COL6A6: variants seen among roughly 807,000 people sequenced by gnomAD.
COL6A6 encodes the protein collagen type VI alpha 6 chain, also known as collagen alpha-6(VI) chain.
In COL6A6, 183 loss-of-function variants were observed where a neutral mutation model predicts 208.6. That is an observed-to-expected ratio of 0.88 (90% CI 0.78 to 0.99). The LOEUF (loss-of-function observed/expected upper bound fraction) is 0.99, where lower values mean the gene tolerates loss of function less well. COL6A6 is among the 50% of genes least tolerant of loss of function. The pLI, the probability that COL6A6 is intolerant of heterozygous loss-of-function variation, is 0.00. For synonymous variants in COL6A6, 973 were observed against 1,011.8 expected (o/e 0.96, Z 0.73); for missense variants, 2,816 against 2,815.2 (o/e 1.00, Z -0.01).
At chr3:130,635,408 G>A (rs2065082052) in intron 27 of COL6A6, among the ~76,000 whole-genome samples, 1 of 152,120 alleles carries the variant, frequency 6.6e-6, no homozygotes, top group Non-Finnish European at 1.5e-5. Flanking sequence ...ACTGAACTCA[G>A]TAAATGCCAG....
chr3:130,550,314 G>T (rs972129278), intron 1 of COL6A6, among the ~76,000 whole-genome samples: 11 of 152,248 alleles, frequency 7.2e-5, no homozygotes, highest in African/African-American at 2.6e-4. Flanking sequence ...TTGCCTGGTT[G>T]TTCTGGCCAG....
rs763117396 is a variant in COL6A6, at chr3:130,563,567, A to G, written c.564A>G (p.Thr188=). 1.4e-4 allele frequency: 232 copies of G among 1,613,936 alleles called. No individual in the cohort carries two copies. The highest frequency in any genetic ancestry group is 5.3e-5 in the Non-Finnish European group (63 of 1,179,908). Residue 188 remains threonine, a synonymous_variant, in exon 3 of 37, where the codon ACA becomes ACG. Transcript: ENST00000358511. ...CTCAGTTTCATTTCAACCTTCGGAC[A>G]GTCAGAGACCTCAGCATGTTTTCCC... is the stretch of plus-strand genomic sequence containing the variant. The part of the protein sequence containing the change: ...ATSQFHFNLR[T]VRDLSMFSQN...
At chr3:130,653,618 A>T (rs1400928718) in intron 33 of COL6A6, among the ~76,000 whole-genome samples, 1 of 152,200 alleles carries the variant, frequency 6.6e-6, no homozygotes, top group Non-Finnish European at 1.5e-5. Flanking sequence ...TGCTTCTTTG[A>T]ATCCACAGGA....
At chr3:130,626,600 T>A in intron 25 of COL6A6, 53 bp downstream of exon 25, 1 of 1,231,152 alleles carries the variant, frequency 8.1e-7, no homozygotes, top group Non-Finnish European at 1.2e-6. Context: ...TTTAGTTCAG[T>A]AGACATCTGG....
At chr3:130,644,848 C>A in intron 31 of COL6A6, 143 bp from the exon 32 acceptor site, 1 of 744,620 alleles carries the variant, frequency 1.3e-6, no homozygotes, top group South Asian at 1.6e-5. Context: ...TAGACTCTGT[C>A]TGCATTTTCT....
intron 1 of COL6A6, among the ~76,000 whole-genome samples, chr3:130,529,211 T>C (rs1402240243): frequency 6.8e-6 from 1 of 146,902 alleles, no homozygotes; most frequent in Non-Finnish European, 1.5e-5. Flanking sequence ...TTCTGAGAGA[T>C]CATCAGTTGA....
intron 1 of COL6A6, among the ~76,000 whole-genome samples, chr3:130,534,317 G>A (rs988144508): frequency 1.3e-5 from 2 of 152,120 alleles, no homozygotes; most frequent in Non-Finnish European, 2.9e-5. Flanking sequence ...TACCTCTGCT[G>A]TGAATTTCAT....
intron 31 of COL6A6, among the ~76,000 whole-genome samples, chr3:130,644,048 C>A (rs1171270784): frequency 6.6e-6 from 1 of 151,878 alleles, no homozygotes; most frequent in Admixed American, 6.6e-5. Context: ...TATATTGAGA[C>A]CTGATATTTT....
intron 1 of COL6A6, among the ~76,000 whole-genome samples, chr3:130,550,186 A>G (rs965003146): frequency 3.3e-5 from 5 of 152,118 alleles, no homozygotes; most frequent in Non-Finnish European, 7.4e-5. Flanking sequence ...TGAAGTTGTT[A>G]ATTAGATCAA....
intron 33 of COL6A6, among the ~76,000 whole-genome samples, chr3:130,657,262 A>G (rs2065817392): frequency 6.6e-6 from 1 of 152,236 alleles, no homozygotes; most frequent in African/African-American, 2.4e-5. Flanking sequence ...AACCAAGCAC[A>G]GCCTGCCAGG....
At chr3:130,552,518 C>G (rs2062666344) in intron 1 of COL6A6, among the ~76,000 whole-genome samples, 3 of 151,996 alleles carry the variant, frequency 2.0e-5, no homozygotes, top group African/African-American at 7.3e-5. Flanking sequence ...TACTTTGAGC[C>G]TATAGGTGTC....
At chr3:130,519,216 T>C (rs534659539) in intron 1 of COL6A6, among the ~76,000 whole-genome samples, 2 of 152,246 alleles carry the variant, frequency 1.3e-5, no homozygotes, top group East Asian at 3.9e-4. Context: ...TGAATAAAAA[T>C]TGGTGCCTTA....
chr3:130,568,197 A>G lies in COL6A6; in HGVS notation c.1994A>G (p.Gln665Arg). The change falls in exon 6 of 37, where the codon CAG becomes CGG. Residue 665 changes from glutamine (Q) to arginine (R), a missense_variant. Coordinates refer to ENST00000358511, the MANE Select transcript of COL6A6 (RefSeq NM_001102608.3). ...GATCGGGTGCAAATTGGTGTAGTCCAGTTCAGCGACATCAATAAGGAAGAG... is the reference window on the plus strand; with the variant it reads ...GATCGGGTGCAAATTGGTGTAGTCCGGTTCAGCGACATCAATAAGGAAGAG... The part of the protein sequence containing the change: ...GPDRVQIGVV[Q>R]FSDINKEEFQ... 2 of 1,614,028 alleles carry G rather than the reference A, an allele frequency of 1.2e-6. No individual in the cohort carries two copies. Among genetic ancestry groups the G allele is most frequent in the South Asian group, 2.2e-5 (2 of 91,076 alleles).
intron 24 of COL6A6, among the ~76,000 whole-genome samples, chr3:130,624,784 A>G (rs115123151): frequency 0.013 from 2,036 of 152,158 alleles, 44 homozygotes; most frequent in African/African-American, 0.045. Context: ...CCCCAAAGAA[A>G]ACCCAAATCC....
intron 1 of COL6A6, among the ~76,000 whole-genome samples, chr3:130,556,029 C>G (rs567907589): frequency 1.3e-5 from 2 of 152,188 alleles, no homozygotes; most frequent in Admixed American, 6.5e-5. Context: ...TCCCTCACTC[C>G]CCTGCAACCC....
intron 33 of COL6A6, among the ~76,000 whole-genome samples, chr3:130,658,049 T>G (rs1033888537): frequency 6.6e-6 from 1 of 151,972 alleles, no homozygotes; most frequent in Admixed American, 6.6e-5. Flanking sequence ...TGGGAAAGGG[T>G]TGGGAGTTGT....
At chr3:130,550,856 G>A (rs553272673) in intron 1 of COL6A6, among the ~76,000 whole-genome samples, 44 of 152,054 alleles carry the variant, frequency 2.9e-4, no homozygotes, top group Non-Finnish European at 4.9e-4. Context: ...GTTTGTTGAG[G>A]GTTTTTAACA....
intron 23 of COL6A6, among the ~76,000 whole-genome samples, chr3:130,611,509 CT>C (rs1177621412): frequency 6.6e-6 from 1 of 152,186 alleles, no homozygotes; most frequent in Admixed American, 6.5e-5. Flanking sequence ...AGGACTTTGT[CT>C]TATTACACTC....
chr3:130,595,198 A>AG (rs1337047333), intron 18 of COL6A6, among the ~76,000 whole-genome samples: 2 of 152,178 alleles, frequency 1.3e-5, no homozygotes, highest in Admixed American at 1.3e-4. Context: ...AAAAAAAAAA[A>AG]GATACCAATA....
Sources: allele counts gnomAD v4.1 joint callset (sites outside exome capture counted in the v4.1 genomes callset), GRCh38; gene constraint gnomAD v4.1.1; transcripts MANE v1.5; gene names NCBI Gene and HGNC (gene_info 2026-07-23, HGNC 2026-07-21).